GRM7: variants seen among roughly 807,000 people sequenced by gnomAD.
GRM7 encodes glutamate metabotropic receptor 7.
Under a neutral mutation model 84.5 loss-of-function variants are expected in GRM7, and 35 were observed. That is an observed-to-expected ratio of 0.41 (90% CI 0.32 to 0.55). The LOEUF is 0.55. GRM7 is among the 20% of genes least tolerant of loss of function. The pLI is 0.19. For synonymous variants in GRM7, 487 were observed against 455.1 expected (o/e 1.07, Z -0.89); for missense variants, 1,003 against 1,194.6 (o/e 0.84, Z 2.36).
At chr3:7,421,617 A>T (rs919714925) in intron 5 of GRM7, among the ~76,000 whole-genome samples, 4 of 151,912 alleles carry the variant, frequency 2.6e-5, no homozygotes, top group Admixed American at 6.6e-5. Context: ...TTCACTAGCC[A>T]TGAATCCATC....
At chr3:7,457,746 A>G (rs1053622969) in intron 6 of GRM7, among the ~76,000 whole-genome samples, 2 of 152,200 alleles carry the variant, frequency 1.3e-5, no homozygotes, top group African/African-American at 4.8e-5. Flanking sequence ...CATTTGGACT[A>G]TAAGCATGGC....
At chr3:7,497,797 G>T (rs1699756913) in intron 7 of GRM7, among the ~76,000 whole-genome samples, 1 of 152,086 alleles carries the variant, frequency 6.6e-6, no homozygotes, top group Admixed American at 6.6e-5. Flanking sequence ...CTGGGCAAAG[G>T]TTTAACTTTT....
chr3:6,993,991 A>G (rs1575109218), intron 1 of GRM7, among the ~76,000 whole-genome samples: 3 of 152,166 alleles, frequency 2.0e-5, no homozygotes, highest in Admixed American at 6.5e-5. Flanking sequence ...TAGTTGCCTA[A>G]AAGAGATTAG....
chr3:7,646,952 C>T (rs1016738750), intron 8 of GRM7, among the ~76,000 whole-genome samples: 1 of 152,180 alleles, frequency 6.6e-6, no homozygotes, highest in Non-Finnish European at 1.5e-5. Context: ...CACAAGGCTG[C>T]ATTACCAGGT....
In GRM7 at chr3:7,461,633, C is replaced by A. The variant is rs769481595; in HGVS notation, c.1426C>A (p.Arg476Ser). Reference protein sequence around the residue: ...MFNKNGDAPGRYDIFQYQTTN... With the variant: ...MFNKNGDAPGSYDIFQYQTTN... The stretch of plus-strand genomic sequence containing the variant: ...TAACAAGAACGGGGATGCACCTGGG[C>A]GTTATGACATCTTTCAGTACCAGAC... The change falls in exon 7 of 10, where the codon CGT becomes AGT. Residue 476 changes from arginine (R) to serine (S), a missense_variant. Coordinates refer to ENST00000357716, the MANE Select transcript of GRM7 (RefSeq NM_000844.4). The A allele has an allele frequency of 1.3e-5, 21 of 1,612,008 alleles. No individual in the cohort carries two copies. Among genetic ancestry groups the A allele is most frequent in the African/African-American group, 2.7e-5 (2 of 74,964 alleles).
intron 8 of GRM7, among the ~76,000 whole-genome samples, chr3:7,665,938 C>T (rs1699680268): frequency 6.6e-6 from 1 of 152,146 alleles, no homozygotes; most frequent in African/African-American, 2.4e-5. Flanking sequence ...AATTATTATA[C>T]TCCTTATTCA....
intron 4 of GRM7, among the ~76,000 whole-genome samples, chr3:7,382,269 G>A (rs1298911276): frequency 6.6e-6 from 1 of 152,102 alleles, no homozygotes; most frequent in East Asian, 1.9e-4. Context: ...ATTGCCTTTA[G>A]ATTATCAGAG....
intron 9 of GRM7, among the ~76,000 whole-genome samples, chr3:7,726,779 C>G (rs1354225247): frequency 6.7e-6 from 1 of 149,596 alleles, no homozygotes; most frequent in East Asian, 2.0e-4. Context: ...ACCTCAATAT[C>G]ATTTCTCATC....
chr3:7,494,048 A>G (rs1213197123), intron 7 of GRM7, among the ~76,000 whole-genome samples: 2 of 152,122 alleles, frequency 1.3e-5, no homozygotes, highest in Non-Finnish European at 2.9e-5. Flanking sequence ...TTATGATAAA[A>G]ATGATAGACT....
intron 8 of GRM7, among the ~76,000 whole-genome samples, chr3:7,611,481 C>G (rs1418254993): frequency 1.3e-5 from 2 of 152,124 alleles, no homozygotes; most frequent in Non-Finnish European, 2.9e-5. Context: ...TGCCACCTAT[C>G]ATCATCATGC....
chr3:7,032,766 C>G (rs1008220944), intron 1 of GRM7, among the ~76,000 whole-genome samples: 4 of 152,102 alleles, frequency 2.6e-5, no homozygotes, highest in African/African-American at 9.7e-5. Context: ...GAAGGGGATC[C>G]TTTGACAATC....
intron 8 of GRM7, among the ~76,000 whole-genome samples, chr3:7,645,433 G>T (rs1477487756): frequency 6.6e-6 from 1 of 150,782 alleles, no homozygotes; most frequent in East Asian, 2.0e-4. Flanking sequence ...TGTAATCCCA[G>T]CTACTCGGGA....
chr3:7,467,437 C>T (rs1211530948), intron 7 of GRM7, among the ~76,000 whole-genome samples: 2 of 152,060 alleles, frequency 1.3e-5, no homozygotes, highest in Non-Finnish European at 2.9e-5. Flanking sequence ...TTCCCAAGTC[C>T]AGGAAAGTCA....
At chr3:6,974,659 T>A (rs1693918207) in intron 1 of GRM7, among the ~76,000 whole-genome samples, 1 of 152,068 alleles carries the variant, frequency 6.6e-6, no homozygotes, top group African/African-American at 2.4e-5. Context: ...TCAACTGTGT[T>A]AAGAGCTGCT....
intron 8 of GRM7, among the ~76,000 whole-genome samples, chr3:7,641,209 T>C (rs540738390): frequency 2.0e-5 from 3 of 152,190 alleles, no homozygotes; most frequent in East Asian, 1.9e-4. Flanking sequence ...TTTTTACTTC[T>C]GGAATGTTAC....
intron 2 of GRM7, among the ~76,000 whole-genome samples, chr3:7,286,769 T>C (rs1010936055): frequency 6.6e-6 from 1 of 152,168 alleles, no homozygotes; most frequent in Non-Finnish European, 1.5e-5. Context: ...CAAATTTATA[T>C]TGAGGTCATT....
chr3:7,277,130 C>A (rs1699101953), intron 2 of GRM7, among the ~76,000 whole-genome samples: 2 of 151,962 alleles, frequency 1.3e-5, no homozygotes, highest in African/African-American at 4.8e-5. Context: ...CGTGGGAACT[C>A]ATCTCTGATC....
intron 7 of GRM7, among the ~76,000 whole-genome samples, chr3:7,484,763 T>C (rs1052981903): frequency 1.3e-5 from 2 of 152,330 alleles, no homozygotes; most frequent in African/African-American, 4.8e-5. Flanking sequence ...TGTTGAGTGC[T>C]CCTTACCTCC....
chr3:7,533,467 G>A (rs1435019455), intron 7 of GRM7, among the ~76,000 whole-genome samples: 1 of 152,142 alleles, frequency 6.6e-6, no homozygotes, highest in African/African-American at 2.4e-5. Flanking sequence ...AGACCACAAT[G>A]TACCAGAATC....
Sources: allele counts gnomAD v4.1 joint callset (sites outside exome capture counted in the v4.1 genomes callset), GRCh38; gene constraint gnomAD v4.1.1; transcripts MANE v1.5; gene names NCBI Gene and HGNC (gene_info 2026-07-23, HGNC 2026-07-21).